The following OSBPL10 variants were observed in gnomAD, a reference collection of about 807,000 sequenced individuals.
OSBPL10 encodes the protein oxysterol binding protein like 10, also known as oxysterol-binding protein-related protein 10.
In OSBPL10, 49 loss-of-function variants were observed where a neutral mutation model predicts 81.7. That is an observed-to-expected ratio of 0.60 (90% CI 0.48 to 0.76). The LOEUF is 0.76. Among genes scored for constraint, OSBPL10 ranks in the 30% least tolerant of loss-of-function variants. The pLI is 0.00. For synonymous variants in OSBPL10, 419 were observed against 383.6 expected, an observed-to-expected ratio of 1.09 and a Z score of -1.08; for missense variants, 923 against 987.8, an observed-to-expected ratio of 0.93 and a Z score of 0.88.
At chr3:32,009,492 G>C (rs972371245) in intron 2 of OSBPL10, among the ~76,000 whole-genome samples, 2 of 152,200 alleles carry the variant, frequency 1.3e-5, no homozygotes, top group Non-Finnish European at 1.5e-5. Flanking sequence ...AGGGCTACAA[G>C]GAGGAATAAA....
rs112669942 is a variant in OSBPL10 at position 31,781,631 on chromosome 3, C to A, written c.730-33511G>T. On this transcript the variant is annotated intron_variant, in intron 4 of 11. Transcript: ENST00000396556. The stretch of plus-strand genomic sequence containing the variant: ...TTTCAGGATACAAAATCAATGTACA[C>A]AAATTAGTAGCACTGCCATACACCA... Among the ~76,000 whole-genome samples, 266 of 152,272 alleles carry A rather than the reference C, an allele frequency of 1.7e-3. 1 individual carries two copies. The highest frequency in any genetic ancestry group is 6.2e-3 in the African/African-American group (259 of 41,548).
intron 7 of OSBPL10, among the ~76,000 whole-genome samples, chr3:31,697,964 A>G (rs1436914477): frequency 6.6e-6 from 1 of 151,764 alleles, no homozygotes; most frequent in Non-Finnish European, 1.5e-5. Context: ...GGGTTTCACT[A>G]TGTTGGCCAG....
chr3:31,812,167 G>C (rs942816096), intron 4 of OSBPL10, among the ~76,000 whole-genome samples: 1 of 152,144 alleles, frequency 6.6e-6, no homozygotes, highest in South Asian at 2.1e-4. Flanking sequence ...GAATAGCTGG[G>C]ATTACAGGCG....
chr3:31,954,408 G>C (rs1286052639), intron 1 of OSBPL10, among the ~76,000 whole-genome samples: 1 of 152,158 alleles, frequency 6.6e-6, no homozygotes, highest in African/African-American at 2.4e-5. Flanking sequence ...CAGCAATCAG[G>C]CATAATTTTA....
At chr3:31,687,893 A>AAATAATAATAATAATAATAATAATAAT (rs34327662) in intron 7 of OSBPL10, among the ~76,000 whole-genome samples, 49 of 143,864 alleles carry the variant, frequency 3.4e-4, no homozygotes, top group Middle Eastern at 3.6e-3. Context: ...CCATCACTAC[A>AAATAATAATAATAATAATAATAATAAT]AATAATAATA....
rs568937677 is a variant in OSBPL10 at position 31,841,848 on chromosome 3, A to AG, written c.538-11618dup. On this transcript the variant is annotated intron_variant, in intron 3 of 11. Transcript: ENST00000396556. ...TTTAAATAACAAAGAAACCAATAAA[A>AG]GTATGAAAATAATTGTCTTTATGAA... is the stretch of plus-strand genomic sequence containing the variant. 2.2e-4 allele frequency among the ~76,000 whole-genome samples: 34 copies of AG among 152,368 alleles called. No homozygotes were observed. The South Asian group carries it at 7.0e-3, about 32-fold the overall frequency.
rs138006278 is a variant in OSBPL10, at chr3:32,018,824, A to G, written n.298+27667T>C. On this transcript the variant is annotated intron_variant and non_coding_transcript_variant, in intron 2 of 3. Transcript: ENST00000479173. ...AAAAAGGTAGTGTTTTTGTGTGATC[A>G]CACTGGAAATAATTGAATACAAACA... Among the ~76,000 whole-genome samples the G allele has an allele frequency of 9.5e-4, 144 of 152,346 alleles. 2 individuals are homozygous for G. In the East Asian group the frequency reaches 0.025, roughly 26 times the overall value.
intron 1 of OSBPL10, among the ~76,000 whole-genome samples, chr3:32,051,163 G>A (rs1003272171): frequency 6.6e-6 from 1 of 152,098 alleles, no homozygotes; most frequent in Non-Finnish European, 1.5e-5. Flanking sequence ...ATGCACACAT[G>A]AGAGGACCTA....
At position 31,965,165 on chromosome 3, in the gene OSBPL10, T is replaced by C. The variant is rs766996570; in HGVS notation, c.281+15734A>G. 3.6e-4 allele frequency among the ~76,000 whole-genome samples: 55 copies of C among 151,562 alleles called. No individual in the cohort carries two copies. In the Middle Eastern group the frequency reaches 0.01, roughly 28 times the overall value. ...TGGGCGGATCACGAGGTCAGGAGAT[T>C]GTGACCATCCTGGCTAACATGGTGA... On this transcript the variant is annotated intron_variant, in intron 1 of 11. Transcript: ENST00000396556.
In OSBPL10 at chr3:31,930,003, C is replaced by CAAAAAAAAAAAAAAAA. The variant is rs57256301; in HGVS notation, c.282-50189_282-50174dup. Among the ~76,000 whole-genome samples the CAAAAAAAAAAAAAAAA allele has an allele frequency of 5.5e-5, 4 of 72,572 alleles. 1 individual carries two copies. Among genetic ancestry groups the CAAAAAAAAAAAAAAAA allele is most frequent in the Non-Finnish European group, 1.0e-4 (4 of 38,446 alleles). 47.6% of individuals were successfully genotyped at this position (72,572 alleles called of 152,430 possible). On this transcript the variant is annotated intron_variant, in intron 1 of 11. Transcript: ENST00000396556. ...GATCAAGTGAGACCCTGTCACCAAC[C>CAAAAAAAAAAAAAAAA]AAAAAAAAAAAAAAAAAAAAAAACA...
At chr3:31,744,276 C>A (rs1697448769) in intron 5 of OSBPL10, among the ~76,000 whole-genome samples, 1 of 152,086 alleles carries the variant, frequency 6.6e-6, no homozygotes, top group Admixed American at 6.5e-5. Flanking sequence ...TGCGGTGGCT[C>A]ACGCCTATAA....
At chr3:32,053,535 G>A (rs1699684218) in intron 1 of OSBPL10, among the ~76,000 whole-genome samples, 1 of 152,192 alleles carries the variant, frequency 6.6e-6, no homozygotes, top group Non-Finnish European at 1.5e-5. Context: ...AAAGGTTTAT[G>A]AGGCTCTTAC....
intron 1 of OSBPL10, among the ~76,000 whole-genome samples, chr3:31,902,631 C>G (rs1295496327): frequency 6.6e-6 from 1 of 152,086 alleles, no homozygotes; most frequent in Non-Finnish European, 1.5e-5. Flanking sequence ...GGCGCAATCT[C>G]GGCTCACTGC....
intron 2 of OSBPL10, among the ~76,000 whole-genome samples, chr3:32,015,665 C>G (rs1304727524): frequency 6.6e-6 from 1 of 152,140 alleles, no homozygotes; most frequent in Non-Finnish European, 1.5e-5. Context: ...GAACAGGCAA[C>G]CTACAGAATG....
chr3:32,061,198 G>T (rs1429642696), intron 1 of OSBPL10, among the ~76,000 whole-genome samples: 1 of 90,766 alleles, frequency 1.1e-5, no homozygotes. Flanking sequence ...TGTCCCCTGA[G>T]CACCCCACAG....
chr3:31,951,373 G>T (rs1263674113), intron 1 of OSBPL10, among the ~76,000 whole-genome samples: 5 of 151,870 alleles, frequency 3.3e-5, no homozygotes, highest in African/African-American at 1.2e-4. Flanking sequence ...CATTATTTTT[G>T]TAAAATATCT....
chr3:31,704,125 G>C (rs951101672), intron 6 of OSBPL10: 10 of 152,408 alleles, frequency 6.6e-5, no homozygotes, highest in African/African-American at 2.4e-4. Context: ...ACTGCTCCTG[G>C]TGCCAAGGCC....
chr3:31,757,313 T>G (rs1227032534), intron 4 of OSBPL10, among the ~76,000 whole-genome samples: 1 of 152,004 alleles, frequency 6.6e-6, no homozygotes, highest in Non-Finnish European at 1.5e-5. Context: ...AAAGGGGAAA[T>G]TTGGGCCAGG....
At chr3:31,945,814 T>G (rs1034500293) in intron 1 of OSBPL10, among the ~76,000 whole-genome samples, 1 of 152,208 alleles carries the variant, frequency 6.6e-6, no homozygotes, top group African/African-American at 2.4e-5. Context: ...CTGTGACCCC[T>G]GGTCTGGTAC....
Sources: allele counts gnomAD v4.1 joint callset (sites outside exome capture counted in the v4.1 genomes callset), GRCh38; gene constraint gnomAD v4.1.1; transcripts MANE v1.5; gene names NCBI Gene and HGNC (gene_info 2026-07-23, HGNC 2026-07-21).